The following HLA-F variants were observed in gnomAD, a reference collection of about 807,000 sequenced individuals.
HLA-F encodes the protein HLA class I histocompatibility antigen, alpha chain F.
In HLA-F, 46 loss-of-function variants were observed where a neutral mutation model predicts 49.5. That is an observed-to-expected ratio of 0.93 (90% CI 0.73 to 1.19). HLA-F has a LOEUF of 1.19. HLA-F is among the 50% of genes most tolerant of loss of function. The pLI, the probability that HLA-F is intolerant of heterozygous loss-of-function variation, is 0.00. For synonymous variants in HLA-F, 203 were observed against 233.5 expected (o/e 0.87, Z 1.19); for missense variants, 496 against 579.6 (o/e 0.86, Z 1.48).
At chr6:29,727,381 T>C (rs1314195469), downstream of HLA-F, 2 of 485,566 alleles carry the variant, frequency 4.1e-6, no homozygotes, top group Non-Finnish European at 7.2e-6. Context: ...TCTTAAAATG[T>C]CCACTCGTTG....
intron 3 of HLA-F, among the ~76,000 whole-genome samples, chr6:29,737,275 C>A (rs956861228): frequency 7.9e-6 from 1 of 126,532 alleles, no homozygotes; most frequent in Non-Finnish European, 1.6e-5. Context: ...TAACAAACTA[C>A]CAATTTACAG....
At chr6:29,733,054 T>G (rs1776760931) in intron 3 of HLA-F, among the ~76,000 whole-genome samples, 1 of 152,068 alleles carries the variant, frequency 6.6e-6, no homozygotes, top group South Asian at 2.1e-4. Context: ...CTGGGCCTGG[T>G]GGCGCATGCG....
At chr6:29,734,603 T>G (rs1271988170) in intron 3 of HLA-F, among the ~76,000 whole-genome samples, 1 of 152,196 alleles carries the variant, frequency 6.6e-6, no homozygotes, top group Non-Finnish European at 1.5e-5. Flanking sequence ...CTCAGGAGTT[T>G]ACCATATAAA....
Position 29,724,232 on chromosome 6 carries a change from C to T in HLA-F, c.394C>T (p.Arg132Cys), listed in dbSNP as rs1412661084. The T allele has an allele frequency of 1.2e-6, 2 of 1,613,214 alleles. No homozygotes were observed. The highest frequency in any genetic ancestry group is 2.2e-5 in the East Asian group (1 of 44,878). ...CATGGGGCCCGACGGACGCCTCCTC[C>T]GCGGGTATCACCAGCACGCGTACGA... is the stretch of plus-strand genomic sequence containing the variant. Reference protein sequence around the residue: ...CDMGPDGRLLRGYHQHAYDGK... With the variant: ...CDMGPDGRLLCGYHQHAYDGK... Residue 132 changes from arginine to cysteine, a missense_variant, in exon 3 of 7, where the codon CGC (arginine) becomes TGC (cysteine). Coordinates refer to ENST00000259951, the MANE Select transcript of HLA-F (RefSeq NM_001098479.2).
intron 3 of HLA-F, chr6:29,735,767 T>C (rs996495860): frequency 1.3e-5 from 2 of 152,172 alleles, no homozygotes; most frequent in Non-Finnish European, 2.9e-5. Context: ...TTTCTCTCTC[T>C]CCTTTCTTTG....
At position 29,724,359 on chromosome 6, in the gene HLA-F, C is replaced by G. The variant is rs2127585570; in HGVS notation, c.521C>G (p.Ala174Gly). ...TQRFYEAEEY[A>G]EEFRTYLEGE... ...CGCTTCTATGAGGCAGAGGAATATG[C>G]AGAGGAGTTCAGGACCTACCTGGAG... is the stretch of plus-strand genomic sequence containing the variant. Residue 174 changes from alanine to glycine, a missense_variant, in exon 3 of 7, where the codon GCA (alanine) becomes GGA (glycine). Physicochemically the swap from Ala to Gly is moderately conservative, Grantham distance 60. Coordinates refer to ENST00000259951, the MANE Select transcript of HLA-F (RefSeq NM_001098479.2). 1 of 1,613,216 alleles carries G rather than the reference C, an allele frequency of 6.2e-7. No individual in the cohort carries two copies. Among genetic ancestry groups the G allele is most frequent in the Non-Finnish European group, 8.5e-7 (1 of 1,180,042 alleles).
intron 3 of HLA-F, among the ~76,000 whole-genome samples, chr6:29,737,367 A>G (rs1216190877): frequency 6.6e-6 from 1 of 152,220 alleles, no homozygotes; most frequent in Non-Finnish European, 1.5e-5. Flanking sequence ...CTACCAGACA[A>G]TATAAATTTC....
chr6:29,734,390 A>G (rs1358841728), intron 3 of HLA-F, among the ~76,000 whole-genome samples: 1 of 152,230 alleles, frequency 6.6e-6, no homozygotes, highest in Non-Finnish European at 1.5e-5. Context: ...CTAGTTGGAT[A>G]ATCTCTTCAC....
In HLA-F at chr6:29,725,955, G is replaced by A. The variant is rs763552055; in HGVS notation, c.1004-56G>A. The stretch of plus-strand genomic sequence containing the variant: ...GATCAAAGACTAGGGGTTTGCTCTA[G>A]GACCTTATGGCCCTGCCTCCTTTCT... On this transcript the variant is annotated intron_variant, in intron 5 of 6. Transcript: ENST00000259951. 1.0e-5 allele frequency: 16 copies of A among 1,596,470 alleles called. No individual in the cohort carries two copies. The African/African-American group carries it at 1.5e-4, about 15-fold the overall frequency.
chr6:29,726,559 ATGTG>A (rs9278276), intron 6 of HLA-F: 337,963 of 1,346,720 alleles, frequency 0.25, 32,360 homozygotes, highest in East Asian at 0.31. Flanking sequence ...ATGCACGTAA[ATGTG>A]TGTGTGTGTG....
chr6:29,726,273 G>T, intron 6 of HLA-F: 1 of 1,051,792 alleles, frequency 9.5e-7, no homozygotes, highest in Non-Finnish European at 1.5e-6. Context: ...GTGTTGGGGG[G>T]GAACAGAGGG....
In HLA-F at chr6:29,724,274, T is replaced by C; in HGVS notation, c.436T>C (p.Ser146Pro). 6.2e-7 allele frequency: 1 copy of C among 1,612,932 alleles called. No homozygotes were observed. The highest frequency in any genetic ancestry group is 8.5e-7 in the Non-Finnish European group (1 of 1,179,960). Reference sequence around the variant, plus strand: ...CGCGTACGACGGCAAGGATTACATCTCCCTGAACGAGGACCTGCGCTCCTG... The same window carrying C: ...CGCGTACGACGGCAAGGATTACATCCCCCTGAACGAGGACCTGCGCTCCTG... ...QHAYDGKDYI[S>P]LNEDLRSWTA... Residue 146 changes from serine (S) to proline (P), a missense_variant, in exon 3 of 7, where the codon TCC becomes CCC. Coordinates refer to ENST00000259951, the MANE Select transcript of HLA-F (RefSeq NM_001098479.2).
intron 6 of HLA-F, chr6:29,726,661 G>T: frequency 6.7e-7 from 1 of 1,493,566 alleles, no homozygotes; most frequent in South Asian, 1.2e-5. Flanking sequence ...TAGCCAGCTT[G>T]ACTCAGTTTA....
In HLA-F at chr6:29,725,111, C is replaced by T. The variant is rs745322874; in HGVS notation, c.691C>T (p.Pro231Ser). ...TLRCWALGFY[P>S]AEITLTWQRD... The stretch of plus-strand genomic sequence containing the variant: ...GAGGTGCTGGGCCCTGGGCTTCTAC[C>T]CTGCGGAGATCACGCTGACCTGGCA... Residue 231 changes from proline to serine, a missense_variant, in exon 4 of 7, where the codon CCT (proline) becomes TCT (serine). Coordinates refer to ENST00000259951, the MANE Select transcript of HLA-F (RefSeq NM_001098479.2). 6.2e-7 allele frequency: 1 copy of T among 1,614,030 alleles called. No individual in the cohort carries two copies. Among genetic ancestry groups the T allele is most frequent in the Admixed American group, 1.7e-5 (1 of 60,026 alleles).
At chr6:29,737,585 C>T (rs1158780299) in intron 3 of HLA-F, among the ~76,000 whole-genome samples, 4 of 152,200 alleles carry the variant, frequency 2.6e-5, no homozygotes, top group African/African-American at 9.7e-5. Flanking sequence ...ACTTCTCCCT[C>T]TCTCTGATGG....
chr6:29,737,700 T>C (rs1393026399), intron 3 of HLA-F: 1 of 152,184 alleles, frequency 6.6e-6, no homozygotes, highest in Non-Finnish European at 1.5e-5. Flanking sequence ...AAGAATAAAA[T>C]AGTATGTGAC....
chr6:29,728,271 A>C, downstream of HLA-F: 1 of 360,182 alleles, frequency 2.8e-6, no homozygotes, highest in South Asian at 2.1e-5. Context: ...CTGAAGGAAA[A>C]GTGTGGTCCC....
chr6:29,730,069 C>A (rs1353668467), downstream of HLA-F, among the ~76,000 whole-genome samples: 1 of 152,142 alleles, frequency 6.6e-6, no homozygotes, highest in Non-Finnish European at 1.5e-5. Flanking sequence ...TGGGCATATA[C>A]CCAAAAGAAT....
chr6:29,725,880 C>T, intron 5 of HLA-F, 131 bp from the exon 6 acceptor site: 1 of 1,025,500 alleles, frequency 9.8e-7, no homozygotes, highest in East Asian at 2.4e-5. Flanking sequence ...CTTCATATTT[C>T]TTGATCCTGC....
Sources: gnomAD v4.1 joint callset for allele counts (sites outside exome capture counted in the v4.1 genomes callset) on GRCh38, gnomAD v4.1.1 for gene constraint, MANE v1.5 for transcripts, NCBI Gene and HGNC (gene_info 2026-07-23, HGNC 2026-07-21) for gene names.